The following TRPM3 variants were observed in gnomAD, a reference collection of about 807,000 sequenced individuals.
The protein encoded by TRPM3 is long transient receptor potential channel 3.
In TRPM3, 77 loss-of-function variants were observed where a neutral mutation model predicts 181.2. The observed-to-expected ratio is 0.42, with a 90% CI of 0.35 to 0.51. The LOEUF is 0.51. TRPM3 is among the 20% of genes least tolerant of loss of function. TRPM3 has a pLI of 0.01. For missense variants in TRPM3, 1,759 were observed against 2,196.7 expected (o/e 0.80, Z 3.98); for synonymous variants, 745 against 796.4 (o/e 0.94, Z 1.09).
chr9:70,603,543 C>T (rs2060467379), intron 19 of TRPM3, 73 bp from the exon 20 acceptor site: 2 of 1,559,400 alleles, frequency 1.3e-6, no homozygotes, highest in Non-Finnish European at 8.7e-7. Flanking sequence ...GGCCACTGCA[C>T]AGCAGCACAG....
At chr9:71,289,764 A>C (rs1417154409) in intron 1 of TRPM3, among the ~76,000 whole-genome samples, 1 of 148,050 alleles carries the variant, frequency 6.8e-6, no homozygotes, top group Admixed American at 6.9e-5. Context: ...GCTACTCGGG[A>C]GGCTGAGGCA....
At chr9:70,628,230 C>T (rs1564620473) in intron 12 of TRPM3, among the ~76,000 whole-genome samples, 1 of 152,180 alleles carries the variant, frequency 6.6e-6, no homozygotes, top group Non-Finnish European at 1.5e-5. Flanking sequence ...CACAGGGCTC[C>T]TATGGGGATG....
chr9:70,762,239 T>C (rs1394678380), intron 7 of TRPM3, among the ~76,000 whole-genome samples: 1 of 152,244 alleles, frequency 6.6e-6, no homozygotes, highest in African/African-American at 2.4e-5. Flanking sequence ...TCATTTCATG[T>C]AGGCAGCAGC....
intron 1 of TRPM3, among the ~76,000 whole-genome samples, chr9:70,918,550 T>C (rs1014874946): frequency 6.6e-6 from 1 of 152,044 alleles, no homozygotes; most frequent in Admixed American, 6.6e-5. Flanking sequence ...AGAAGGAAAT[T>C]AAAAAATTTC....
At chr9:70,837,076 CT>C (rs1385099357) in intron 5 of TRPM3, among the ~76,000 whole-genome samples, 1 of 152,158 alleles carries the variant, frequency 6.6e-6, no homozygotes, top group African/African-American at 2.4e-5. Flanking sequence ...GGCGGGTGTC[CT>C]TGTCTCCGAC....
At chr9:71,418,838 T>C (rs2093680320) in intron 1 of TRPM3, among the ~76,000 whole-genome samples, 1 of 144,654 alleles carries the variant, frequency 6.9e-6, no homozygotes, top group South Asian at 2.1e-4. Flanking sequence ...TCCTTTGAGA[T>C]ACTATATAGT....
intron 1 of TRPM3, among the ~76,000 whole-genome samples, chr9:71,429,235 G>C (rs963118295): frequency 2.0e-5 from 3 of 152,098 alleles, no homozygotes; most frequent in Admixed American, 1.3e-4. Context: ...TTTCAGAAAA[G>C]TAATGGGTTA....
chr9:71,292,458 A>G (rs2132274390), intron 1 of TRPM3, among the ~76,000 whole-genome samples: 1 of 152,166 alleles, frequency 6.6e-6, no homozygotes, highest in Non-Finnish European at 1.5e-5. Context: ...GGAATAAACA[A>G]TATCAGAAAT....
At chr9:71,428,863 G>T (rs748440363) in intron 1 of TRPM3, among the ~76,000 whole-genome samples, 2 of 145,248 alleles carry the variant, frequency 1.4e-5, no homozygotes, top group Non-Finnish European at 3.0e-5. Flanking sequence ...CAGATTTCAA[G>T]AATTTGCTTC....
At chr9:71,040,580 A>T (rs929514035) in intron 1 of TRPM3, among the ~76,000 whole-genome samples, 13 of 152,350 alleles carry the variant, frequency 8.5e-5, no homozygotes, top group African/African-American at 2.9e-4. Context: ...GCATTTGGCA[A>T]CCATCATGGT....
At chr9:70,566,864 C>T (rs1224122404) in intron 22 of TRPM3, among the ~76,000 whole-genome samples, 1 of 152,206 alleles carries the variant, frequency 6.6e-6, no homozygotes, top group African/African-American at 2.4e-5. Flanking sequence ...CTCAATCCCA[C>T]CCACATACAC....
At chr9:70,791,745 C>A (rs921786672) in intron 6 of TRPM3, among the ~76,000 whole-genome samples, 3 of 152,152 alleles carry the variant, frequency 2.0e-5, no homozygotes, top group Non-Finnish European at 4.4e-5. Context: ...AAATTGAAAA[C>A]TGATGGTGCA....
chr9:71,391,095 T>C (rs372613491), intron 1 of TRPM3, among the ~76,000 whole-genome samples: 32 of 152,088 alleles, frequency 2.1e-4, no homozygotes, highest in African/African-American at 7.2e-4. Flanking sequence ...TACAAATTAC[T>C]GTCATTTGTA....
intron 1 of TRPM3, among the ~76,000 whole-genome samples, chr9:71,177,852 T>C (rs1394453343): frequency 6.6e-6 from 1 of 151,920 alleles, no homozygotes. Flanking sequence ...GAGGTTTTCA[T>C]TTTCTGTTTA....
At chr9:70,803,456 T>C (rs1054535731) in intron 6 of TRPM3, among the ~76,000 whole-genome samples, 1 of 148,420 alleles carries the variant, frequency 6.7e-6, no homozygotes, top group Non-Finnish European at 1.5e-5. Flanking sequence ...TTGTTGTTTT[T>C]TTTTTTTTTT....
intron 22 of TRPM3, among the ~76,000 whole-genome samples, chr9:70,569,117 G>A (rs556025261): frequency 2.6e-5 from 4 of 152,264 alleles, no homozygotes; most frequent in Admixed American, 2.6e-4. Flanking sequence ...TTCAGGCTAG[G>A]AAATATCATT....
intron 22 of TRPM3, among the ~76,000 whole-genome samples, chr9:70,559,478 A>G (rs1018757924): frequency 3.3e-5 from 5 of 152,174 alleles, no homozygotes; most frequent in Non-Finnish European, 7.4e-5. Flanking sequence ...CTGGTCTTTG[A>G]CAAAAGCTAT....
intron 8 of TRPM3, among the ~76,000 whole-genome samples, chr9:70,689,730 T>C (rs1413269203): frequency 6.6e-6 from 1 of 152,128 alleles, no homozygotes; most frequent in East Asian, 1.9e-4. Flanking sequence ...TTTGGTTCTA[T>C]ATAGTTTAAA....
At chr9:71,272,191 T>TATC (rs2083854309) in intron 1 of TRPM3, among the ~76,000 whole-genome samples, 1 of 152,176 alleles carries the variant, frequency 6.6e-6, no homozygotes. Flanking sequence ...TATTTTTTCT[T>TATC]ATCTTTTTAA....
Sources: gnomAD v4.1 joint callset for allele counts (sites outside exome capture counted in the v4.1 genomes callset) on GRCh38, gnomAD v4.1.1 for gene constraint, MANE v1.5 for transcripts, NCBI Gene and HGNC (gene_info 2026-07-23, HGNC 2026-07-21) for gene names.